Variants in KDM3B observed in about 807,000 individuals in gnomAD.
The protein encoded by KDM3B is lysine-specific demethylase 3B.
A neutral mutation model predicts 170.0 loss-of-function variants in KDM3B; 10 were observed. The ratio of observed to expected loss-of-function variants is 0.06; its 90% CI spans 0.04 to 0.10. The LOEUF (loss-of-function observed/expected upper bound fraction) is 0.10, where lower values mean the gene tolerates loss of function less well. KDM3B is among the 10% of genes least tolerant of loss of function. The pLI is 1.00. For missense variants in KDM3B, 1,394 were observed against 2,195.2 expected (o/e 0.64, Z 7.29); for synonymous variants, 831 against 834.8 (o/e 1.00, Z 0.08).
intron 1 of KDM3B, among the ~76,000 whole-genome samples, chr5:138,360,597 G>A (rs1450856820): frequency 2.2e-5 from 3 of 137,262 alleles, no homozygotes; most frequent in Non-Finnish European, 3.1e-5. Flanking sequence ...TTTTTGAGAC[G>A]GAGTCTCACT....
intron 3 of KDM3B, among the ~76,000 whole-genome samples, chr5:138,376,600 A>G (rs1340272701): frequency 6.6e-6 from 1 of 151,246 alleles, no homozygotes; most frequent in Non-Finnish European, 1.5e-5. Context: ...GCTACTCGGG[A>G]GGCTGAGGCA....
intron 9 of KDM3B, among the ~76,000 whole-genome samples, chr5:138,394,643 A>C (rs927504254): frequency 1.3e-5 from 2 of 152,174 alleles, no homozygotes; most frequent in African/African-American, 4.8e-5. Flanking sequence ...ACAAAGAAGG[A>C]AAAGGAGTTG....
chr5:138,434,104 C>G (rs1244435588), intron 23 of KDM3B, among the ~76,000 whole-genome samples: 1 of 152,156 alleles, frequency 6.6e-6, no homozygotes, highest in East Asian at 1.9e-4. Flanking sequence ...TAACACCTTT[C>G]CCGAGCTAGG....
At chr5:138,432,530 G>C (rs937638143) in intron 23 of KDM3B, among the ~76,000 whole-genome samples, 1 of 151,968 alleles carries the variant, frequency 6.6e-6, no homozygotes, top group Non-Finnish European at 1.5e-5. Context: ...TTAGCTGGGC[G>C]TGGTGGCACA....
At chr5:138,363,428 C>G (rs889336145) in intron 1 of KDM3B, among the ~76,000 whole-genome samples, 4 of 152,108 alleles carry the variant, frequency 2.6e-5, no homozygotes, top group African/African-American at 9.7e-5. Flanking sequence ...GGTACACTGG[C>G]CCTTAGTTTT....
rs900335406 is a variant in KDM3B at position 138,398,075 on chromosome 5, G to C, written c.2832-103G>C. ...GTCGACTGGTGAAAATTCTTAGTCT[G>C]ATTCCTGTTGTCTCATTTTACTTCT... On this transcript the variant is annotated intron_variant, in intron 9 of 23. Transcript: ENST00000314358. 1.5e-5 allele frequency: 13 copies of C among 847,832 alleles called. No homozygotes were observed. The African/African-American group carries it at 1.9e-4, about 12-fold the overall frequency. The allele number at this position is 847,832 out of a possible 1,614,324, so 52.5% of individuals were successfully genotyped here. A position where few individuals can be genotyped will look rare whatever the true frequency, so the allele number is the denominator to read the frequency against.
Position 138,377,563 on chromosome 5 carries a change from C to T in KDM3B, c.475-157C>T, listed in dbSNP as rs1330517930. Among the ~76,000 whole-genome samples, 3 of 152,210 alleles carry T rather than the reference C, an allele frequency of 2.0e-5. No homozygotes were observed. The East Asian group carries it at 5.8e-4, about 29-fold the overall frequency. ...TTGGCCTCCCAAAGTACTAAGATTA[C>T]AGGCATGATCACCACGCCTAGCCTG... On this transcript the variant is annotated intron_variant, in intron 3 of 23. Coordinates refer to ENST00000314358, the MANE Select transcript of KDM3B (RefSeq NM_016604.4).
At chr5:138,392,841 G>C (rs1762467403) in intron 8 of KDM3B, among the ~76,000 whole-genome samples, 1 of 152,182 alleles carries the variant, frequency 6.6e-6, no homozygotes, top group Non-Finnish European at 1.5e-5. Context: ...GAGCTCAAGA[G>C]GTCCTGATGA....
At chr5:138,387,529 T>C (rs1762300380) in intron 7 of KDM3B, among the ~76,000 whole-genome samples, 1 of 152,160 alleles carries the variant, frequency 6.6e-6, no homozygotes. Flanking sequence ...CGGAATCATT[T>C]CAGAAAAAAC....
At chr5:138,383,299 C>A (rs1762171502) in intron 6 of KDM3B, among the ~76,000 whole-genome samples, 1 of 151,888 alleles carries the variant, frequency 6.6e-6, no homozygotes, top group African/African-American at 2.4e-5. Flanking sequence ...CCACCATGCC[C>A]AGCTAATTTT....
In KDM3B at chr5:138,352,809, C is replaced by G; in HGVS notation, c.14C>G (p.Ala5Gly). The G allele has an allele frequency of 2.3e-6, 3 of 1,306,192 alleles. No homozygotes were observed. Among genetic ancestry groups the G allele is most frequent in the Non-Finnish European group, 2.9e-6 (3 of 1,026,328 alleles). The allele number at this position is 1,306,192 out of a possible 1,614,324, so 80.9% of individuals were successfully genotyped here. A position where few individuals can be genotyped will look rare whatever the true frequency, so the allele number is the denominator to read the frequency against. ...CCGGCCCCGGCGATGGCGGACGCGG[C>G]GGCCTCCCCGGTGGGCAAGCGGCTG... MADAAASPVGKRLLL... is the reference protein window; with the variant it reads MADAGASPVGKRLLL... Residue 5 changes from alanine to glycine, a missense_variant, in exon 1 of 24, where the codon GCG becomes GGG. By Grantham distance (60) the Ala-to-Gly change is moderately conservative (BLOSUM62 0). Transcript: ENST00000314358.
At chr5:138,362,350 T>G (rs1356450339) in intron 1 of KDM3B, among the ~76,000 whole-genome samples, 2 of 151,774 alleles carry the variant, frequency 1.3e-5, no homozygotes, top group African/African-American at 4.8e-5. Context: ...GCTAACCTTA[T>G]GAACCAGGGA....
chr5:138,371,619 ACAG>A (rs1158737378), intron 1 of KDM3B, among the ~76,000 whole-genome samples: 2 of 152,160 alleles, frequency 1.3e-5, no homozygotes, highest in African/African-American at 4.8e-5. Flanking sequence ...TGTTGTGACT[ACAG>A]CAAGTGTCTG....
rs1356943157 is a variant in KDM3B, at chr5:138,352,948, G to T, written c.153G>T (p.Thr51=). The T allele has an allele frequency of 7.8e-7, 1 of 1,281,802 alleles. No homozygotes were observed. Among genetic ancestry groups the T allele is most frequent in the Non-Finnish European group, 9.8e-7 (1 of 1,018,238 alleles). The allele number at this position is 1,281,802 out of a possible 1,614,324, so 79.4% of individuals were successfully genotyped here. The change falls in exon 1 of 24, where the codon ACG becomes ACT. Residue 51 remains threonine (T), a synonymous_variant. Coordinates refer to ENST00000314358, the MANE Select transcript of KDM3B (RefSeq NM_016604.4). ...GCACTCGAGCCTGGCGGGCCGGCACGGTGCGGGCCATGAGCGGGGCGGTGC... is the reference window on the plus strand; with the variant it reads ...GCACTCGAGCCTGGCGGGCCGGCACTGTGCGGGCCATGAGCGGGGCGGTGC... ...ALRTRAWRAG[T]VRAMSGAVPQ...
chr5:138,395,074 A>C (rs913416849), intron 9 of KDM3B, among the ~76,000 whole-genome samples: 2 of 152,184 alleles, frequency 1.3e-5, no homozygotes, highest in African/African-American at 4.8e-5. Context: ...TTCTTTAGGG[A>C]AAAGCAGGTT....
intron 11 of KDM3B, among the ~76,000 whole-genome samples, chr5:138,403,746 A>C (rs536003063): frequency 6.6e-6 from 1 of 151,080 alleles, no homozygotes; most frequent in East Asian, 1.9e-4. Flanking sequence ...CAATCCCAGC[A>C]CTTTGGGAGG....
chr5:138,394,184 GC>G (rs1003416161), intron 9 of KDM3B, among the ~76,000 whole-genome samples: 4 of 152,042 alleles, frequency 2.6e-5, no homozygotes, highest in African/African-American at 9.7e-5. Flanking sequence ...ACCAGCATGG[GC>G]AACATAGTGA....
In KDM3B at chr5:138,424,243, T is replaced by C. The variant is rs1294816603; in HGVS notation, c.4141T>C (p.Ser1381Pro). ...MGLNVLDPHTSHSWLCDGRLL... is the reference protein window; with the variant it reads ...MGLNVLDPHTPHSWLCDGRLL... ...GTTAAATGTGCTAGATCCCCATACT[T>C]CTCACTCCTGGCTTTGTGATGGGAG... The change falls in exon 16 of 24, where the codon TCT becomes CCT. Residue 1381 changes from serine to proline, a missense_variant. This residue lies in a region of KDM3B where 137 missense variants were observed against 166.9 expected (regional missense o/e 0.82). Transcript: ENST00000314358. 6.2e-7 allele frequency: 1 copy of C among 1,614,156 alleles called. No homozygotes were observed. Among genetic ancestry groups the C allele is most frequent in the Admixed American group, 1.7e-5 (1 of 60,030 alleles).
chr5:138,408,242 C>A (rs1762873185), intron 11 of KDM3B, among the ~76,000 whole-genome samples: 1 of 152,104 alleles, frequency 6.6e-6, no homozygotes, highest in Non-Finnish European at 1.5e-5. Flanking sequence ...AAATCAGACG[C>A]CGCCGCCTCA....
Sources: gnomAD v4.1 joint callset for allele counts (sites outside exome capture counted in the v4.1 genomes callset) on GRCh38, gnomAD v4.1.1 for gene constraint, gnomAD v4.1.1 regional missense constraint, MANE v1.5 for transcripts, NCBI Gene and HGNC (gene_info 2026-07-23, HGNC 2026-07-21) for gene names.